Variants in RGS6 observed in about 807,000 individuals in gnomAD.
RGS6 encodes regulator of G-protein signaling 6.
A neutral mutation model predicts 78.5 loss-of-function variants in RGS6; 30 were observed. The ratio of observed to expected loss-of-function variants is 0.38; its 90% confidence interval spans 0.29 to 0.52. The LOEUF (loss-of-function observed/expected upper bound fraction) is 0.52, where lower values mean the gene tolerates loss of function less well. Ranked by LOEUF, RGS6 falls within the 20% of genes least tolerant of loss-of-function variation. RGS6 has a pLI of 0.85. For synonymous variants in RGS6, 206 were observed against 206.0 expected, an observed-to-expected ratio of 1.00 and a Z score of 0.00; for missense variants, 495 against 609.7, an observed-to-expected ratio of 0.81 and a Z score of 1.98.
At chr14:72,552,526 GAA>G in intron 17 of RGS6, 1 of 152,224 alleles carries the variant, frequency 6.6e-6, no homozygotes, top group South Asian at 2.1e-4. Context: ...CCCAAGATAA[GAA>G]GATGAAATCC....
At chr14:72,030,806 C>T (rs151119906) in intron 2 of RGS6, among the ~76,000 whole-genome samples, 21 of 152,210 alleles carry the variant, frequency 1.4e-4, no homozygotes, top group Admixed American at 5.2e-4. Context: ...ATAGGCTTTA[C>T]AGCCAAAAGT....
Position 72,361,083 on chromosome 14 carries a change from C to CTTTTT in RGS6, c.184+8904_184+8908dup, listed in dbSNP as rs56251149. On this transcript the variant is annotated intron_variant, in intron 3 of 17. Transcript: ENST00000553525. ...ACGGAACTGTGATTCAATCAAACCT[C>CTTTTT]TTTTTTTTTTTTTTTTTTTCATAAA... Among the ~76,000 whole-genome samples the CTTTTT allele has an allele frequency of 4.9e-3, 678 of 138,326 alleles. 15 individuals carry two copies. The East Asian group carries it at 0.075, about 15-fold the overall frequency. The allele number at this position is 138,326 out of a possible 152,430, so 90.7% of individuals were successfully genotyped here. A position where few individuals can be genotyped will look rare whatever the true frequency, so the allele number is the denominator to read the frequency against.
At chr14:72,612,773 G>C in the RGS6 span, 1 of 364,054 alleles carries the variant, frequency 2.7e-6, no homozygotes, top group Non-Finnish European at 5.5e-6. Flanking sequence ...ATGAAAAGAA[G>C]CATAGGTGAA....
At chr14:72,189,233 A>C (rs549829907) in intron 2 of RGS6, among the ~76,000 whole-genome samples, 5 of 152,152 alleles carry the variant, frequency 3.3e-5, no homozygotes, top group Non-Finnish European at 7.3e-5. Context: ...ACAATTCCAA[A>C]CAAAATAGAT....
intron 17 of RGS6, chr14:72,540,386 C>T (rs1445043581): frequency 2.2e-5 from 32 of 1,457,212 alleles, no homozygotes; most frequent in Non-Finnish European, 2.6e-5. Context: ...AGGAGGGACC[C>T]TGCTGCCCTC....
At chr14:72,535,178 A>G (rs1333020199) in intron 15 of RGS6, among the ~76,000 whole-genome samples, 6 of 152,198 alleles carry the variant, frequency 3.9e-5, no homozygotes, top group African/African-American at 1.4e-4. Context: ...AATTAGCTGG[A>G]AATCAGGGGT....
intron 2 of RGS6, among the ~76,000 whole-genome samples, chr14:72,092,660 G>A (rs1424690157): frequency 1.3e-5 from 2 of 152,180 alleles, no homozygotes; most frequent in African/African-American, 4.8e-5. Context: ...GGGATTACAG[G>A]CGTGAACCAT....
chr14:71,965,715 C>A (rs186356966), intron 2 of RGS6, among the ~76,000 whole-genome samples: 16 of 152,254 alleles, frequency 1.1e-4, no homozygotes, highest in South Asian at 6.2e-4. Context: ...GACTGTTGCC[C>A]CATTGTGCTG....
intron 2 of RGS6, among the ~76,000 whole-genome samples, chr14:72,339,610 C>T (rs771844930): frequency 5.3e-5 from 8 of 152,030 alleles, no homozygotes; most frequent in Admixed American, 3.3e-4. Context: ...ATGCAGAGGA[C>T]ATTTTTTGGT....
intron 3 of RGS6, among the ~76,000 whole-genome samples, chr14:72,368,718 C>T (rs2082883007): frequency 6.6e-6 from 1 of 152,158 alleles, no homozygotes; most frequent in African/African-American, 2.4e-5. Context: ...AATCAGTATT[C>T]TTAGTCTTTG....
intron 2 of RGS6, among the ~76,000 whole-genome samples, chr14:72,348,942 A>G (rs965170237): frequency 7.9e-5 from 12 of 152,150 alleles, no homozygotes; most frequent in East Asian, 3.9e-4. Flanking sequence ...CAAGGTGGGC[A>G]GATCACAAGG....
At chr14:72,602,215 G>A in the RGS6 span, among the ~76,000 whole-genome samples, 1,727 of 152,312 alleles carry the variant, frequency 0.011, 18 homozygotes, top group Middle Eastern at 0.058. Context: ...TGCCACCTAA[G>A]TTTCTTGAGG....
chr14:72,491,971 T>C (rs1387693972), intron 12 of RGS6, among the ~76,000 whole-genome samples: 4 of 152,162 alleles, frequency 2.6e-5, no homozygotes, highest in African/African-American at 9.7e-5. Context: ...CAGTTTTTTC[T>C]TGAGAGAAAT....
chr14:71,905,960 C>T, the RGS6 span, among the ~76,000 whole-genome samples: 3 of 152,052 alleles, frequency 2.0e-5, no homozygotes, highest in African/African-American at 4.8e-5. Context: ...TACACGAGGC[C>T]GAAGGAAAAG....
At chr14:72,382,246 A>C (rs1289138513) in intron 3 of RGS6, among the ~76,000 whole-genome samples, 1 of 152,156 alleles carries the variant, frequency 6.6e-6, no homozygotes, top group African/African-American at 2.4e-5. Context: ...CTAAAAATTG[A>C]GAAAACAACA....
chr14:72,500,564 T>C (rs1022751540), intron 13 of RGS6, among the ~76,000 whole-genome samples: 1 of 152,196 alleles, frequency 6.6e-6, no homozygotes, highest in Non-Finnish European at 1.5e-5. Flanking sequence ...GCTCTCAAGA[T>C]AACAAATGTA....
intron 1 of RGS6, among the ~76,000 whole-genome samples, chr14:71,935,182 A>G (rs1313574579): frequency 6.6e-6 from 1 of 152,230 alleles, no homozygotes; most frequent in Non-Finnish European, 1.5e-5. Context: ...TACAAAATCA[A>G]CTTTCGTGTT....
At chr14:71,908,703 A>G in the RGS6 span, among the ~76,000 whole-genome samples, 16 of 152,106 alleles carry the variant, frequency 1.1e-4, no homozygotes, top group Non-Finnish European at 2.1e-4. Context: ...GTCTTGACTT[A>G]TACGCAAGGA....
chr14:72,359,294 T>C (rs539683749), intron 3 of RGS6, among the ~76,000 whole-genome samples: 1 of 152,044 alleles, frequency 6.6e-6, no homozygotes, highest in South Asian at 2.1e-4. Context: ...GAATTAGCCA[T>C]GATCCACACT....
Sources: allele counts gnomAD v4.1 joint callset (sites outside exome capture counted in the v4.1 genomes callset), GRCh38; gene constraint gnomAD v4.1.1; transcripts MANE v1.5; gene names NCBI Gene and HGNC (gene_info 2026-07-23, HGNC 2026-07-21).